ROMO1: variants seen among roughly 807,000 people sequenced by gnomAD.
ROMO1 encodes the protein reactive oxygen species modulator 1, also known as PCM19.
ROMO1 carries 8 observed loss-of-function variants against 7.4 expected under a neutral mutation model. The ratio of observed to expected loss-of-function variants is 1.08; its 90% CI spans 0.63 to 1.95. The LOEUF (loss-of-function observed/expected upper bound fraction) is 1.95, where lower values mean the gene tolerates loss of function less well. ROMO1 is among the 30% of genes most tolerant of loss of function. The pLI, the probability that ROMO1 is intolerant of heterozygous loss-of-function variation, is 0.00. For missense variants in ROMO1, 91 were observed against 115.9 expected (o/e 0.79, Z 0.99); for synonymous variants, 43 against 41.4 (o/e 1.04, Z -0.15).
At position 35,699,433 on chromosome 20, in the gene ROMO1, G is replaced by A. The variant is rs891925054; in HGVS notation, c.-24G>A. On this transcript the variant is annotated 5_prime_UTR_variant, in exon 1 of 3. Coordinates refer to ENST00000374077, the MANE Select transcript of ROMO1 (RefSeq NM_080748.3). This position sits in a 1 kb window ranked among gnomAD's most constrained non-coding sequence, Gnocchi z 4.4. ...TTCCGTGAGAGACGTAGAGCTGAGC[G>A]ACCCAGCCCGCGAGCGAGGTGAGGT... is the stretch of plus-strand genomic sequence containing the variant. The A allele has an allele frequency of 8.5e-7, 1 of 1,175,670 alleles. No individual in the cohort carries two copies. Among genetic ancestry groups the A allele is most frequent in the African/African-American group, 1.6e-5 (1 of 63,760 alleles). 72.8% of individuals were successfully genotyped at this position (1,175,670 alleles called of 1,614,324 possible). A position where few individuals can be genotyped will look rare whatever the true frequency, so the allele number is the denominator to read the frequency against.
In ROMO1 at chr20:35,699,976, GC is replaced by G. The variant is rs1322755180; in HGVS notation, c.131+216del. 6.6e-6 allele frequency among the ~76,000 whole-genome samples: 1 copy of G among 152,156 alleles called. No homozygotes were observed. The highest frequency in any genetic ancestry group is 6.5e-5 in the Admixed American group (1 of 15,270). ...AGCTTTAGAGTCAAAATGCTTTCTG[GC>G]CCTTTTCTTACTGGTTCGGTGACTT... On this transcript the variant is annotated intron_variant, in intron 2 of 2. Coordinates refer to ENST00000374077, the MANE Select transcript of ROMO1 (RefSeq NM_080748.3). The surrounding 1 kb of genome is among the most constrained non-coding windows in gnomAD (Gnocchi z 4.4).
At chr20:35,700,752 C>G (rs2146448219) in intron 2 of ROMO1, 46 bp from the exon 3 acceptor site, 1 of 1,526,100 alleles carries the variant, frequency 6.6e-7, no homozygotes, top group Middle Eastern at 1.7e-4. Flanking sequence ...AATACTCTTT[C>G]TGATATTTTT....
rs773197630 is a variant in ROMO1, at chr20:35,699,617, TTCCTA to T, written c.1-12_1-8del. On this transcript the variant is annotated splice_polypyrimidine_tract_variant and intron_variant, in intron 1 of 2. Coordinates refer to ENST00000374077, the MANE Select transcript of ROMO1 (RefSeq NM_080748.3). This position sits in a 1 kb window ranked among gnomAD's most constrained non-coding sequence, Gnocchi z 4.4. ...TTGGGCCAGCGCCTGGGCCCACACT[TTCCTA>T]TCCCCCGCAGATGCCGGTGGCCGTG... is the stretch of plus-strand genomic sequence containing the variant. 8 of 1,611,686 alleles carry T rather than the reference TTCCTA, an allele frequency of 5.0e-6. No individual in the cohort carries two copies. The highest frequency in any genetic ancestry group is 6.8e-6 in the Non-Finnish European group (8 of 1,179,920).
Position 35,699,896 on chromosome 20 carries a change from C to A in ROMO1, c.131+133C>A. ...GTCCCCTCGCGAGCCAGACTCATTCCAAACCACCTTCAATCTGTAAAGTCA... is the reference window on the plus strand; with the variant it reads ...GTCCCCTCGCGAGCCAGACTCATTCAAAACCACCTTCAATCTGTAAAGTCA... On this transcript the variant is annotated intron_variant, in intron 2 of 2. Transcript: ENST00000374077. This position sits in a 1 kb window ranked among gnomAD's most constrained non-coding sequence, Gnocchi z 4.4. 8.4e-7 allele frequency: 1 copy of A among 1,184,882 alleles called. No homozygotes were observed. The highest frequency in any genetic ancestry group is 1.2e-6 in the Non-Finnish European group (1 of 860,030). The allele number at this position is 1,184,882 out of a possible 1,614,324, so 73.4% of individuals were successfully genotyped here. A position where few individuals can be genotyped will look rare whatever the true frequency, so the allele number is the denominator to read the frequency against.
At chr20:35,700,334 C>A (rs1259084312) in intron 2 of ROMO1, among the ~76,000 whole-genome samples, 1 of 152,134 alleles carries the variant, frequency 6.6e-6, no homozygotes, top group Non-Finnish European at 1.5e-5. Flanking sequence ...CTATGTTAAG[C>A]ACTGTGCTAA....
At chr20:35,700,451 A>T (rs1227932040) in intron 2 of ROMO1, among the ~76,000 whole-genome samples, 1 of 151,946 alleles carries the variant, frequency 6.6e-6, no homozygotes, top group Admixed American at 6.5e-5. Flanking sequence ...CTTACTCCAA[A>T]ATCATTAACA....
rs756069721 is a variant in ROMO1 at position 35,699,615 on chromosome 20, CTT to C, written c.1-16_1-15del. 4 of 1,611,548 alleles carry C rather than the reference CTT, an allele frequency of 2.5e-6. No homozygotes were observed. The highest frequency in any genetic ancestry group is 1.7e-6 in the Non-Finnish European group (2 of 1,179,930). On this transcript the variant is annotated splice_polypyrimidine_tract_variant and intron_variant, in intron 1 of 2. Coordinates refer to ENST00000374077, the MANE Select transcript of ROMO1 (RefSeq NM_080748.3). The surrounding 1 kb of genome is among the most constrained non-coding windows in gnomAD (Gnocchi z 4.4). ...TCTTGGGCCAGCGCCTGGGCCCACA[CTT>C]TCCTATCCCCCGCAGATGCCGGTGG...
chr20:35,699,441 C>T lies in ROMO1; in HGVS notation c.-16C>T, dbSNP rs770941361. ...GAGACGTAGAGCTGAGCGACCCAGC[C>T]CGCGAGCGAGGTGAGGTAGGCGCCG... On this transcript the variant is annotated 5_prime_UTR_variant, in exon 1 of 3. Coordinates refer to ENST00000374077, the MANE Select transcript of ROMO1 (RefSeq NM_080748.3). This position sits in a 1 kb window ranked among gnomAD's most constrained non-coding sequence, Gnocchi z 4.4. 1.5e-4 allele frequency: 176 copies of T among 1,186,268 alleles called. No homozygotes were observed. Among genetic ancestry groups the T allele is most frequent in the Non-Finnish European group, 1.9e-4 (169 of 870,218 alleles). The allele number at this position is 1,186,268 out of a possible 1,614,324, so 73.5% of individuals were successfully genotyped here. A position where few individuals can be genotyped will look rare whatever the true frequency, so the allele number is the denominator to read the frequency against.
In ROMO1 at chr20:35,699,791, G is replaced by C. The variant is rs762435014; in HGVS notation, c.131+28G>C. 1 of 1,595,700 alleles carries C rather than the reference G, an allele frequency of 6.3e-7. No individual in the cohort carries two copies. ...GAGGGGCGCGGGCGGTGATCTCTGG[G>C]CAGGACAACCAGACCTTCCGGCCCT... On this transcript the variant is annotated intron_variant, in intron 2 of 2. Coordinates refer to ENST00000374077, the MANE Select transcript of ROMO1 (RefSeq NM_080748.3). The surrounding 1 kb of genome is among the most constrained non-coding windows in gnomAD (Gnocchi z 4.4).
In ROMO1 at chr20:35,699,627, C is replaced by T. The variant is rs375680794; in HGVS notation, c.1-6C>T. ...GCCTGGGCCCACACTTTCCTATCCC[C>T]CGCAGATGCCGGTGGCCGTGGGTCC... On this transcript the variant is annotated splice_polypyrimidine_tract_variant and splice_region_variant and intron_variant, in intron 1 of 2. Coordinates refer to ENST00000374077, the MANE Select transcript of ROMO1 (RefSeq NM_080748.3). The surrounding 1 kb of genome is among the most constrained non-coding windows in gnomAD (Gnocchi z 4.4). The T allele has an allele frequency of 3.7e-5, 59 of 1,612,436 alleles. No homozygotes were observed. The highest frequency in any genetic ancestry group is 4.7e-5 in the Non-Finnish European group (55 of 1,179,980).
In ROMO1 at chr20:35,699,846, C is replaced by G; in HGVS notation, c.131+83C>G. 1 of 1,480,178 alleles carries G rather than the reference C, an allele frequency of 6.8e-7. No homozygotes were observed. 91.7% of individuals were successfully genotyped at this position (1,480,178 alleles called of 1,614,324 possible). ...CATTCGGCCTGGAGCCTGAACACAG[C>G]CTCCTTCTTTCGACTTCCCTCTCTG... On this transcript the variant is annotated intron_variant, in intron 2 of 2. Transcript: ENST00000374077. This position sits in a 1 kb window ranked among gnomAD's most constrained non-coding sequence, Gnocchi z 4.4.
Position 35,699,578 on chromosome 20 carries a change from TCCCCGCCCGACTCTTGGG to T in ROMO1, c.1-52_1-35del. The T allele has an allele frequency of 6.2e-7, 1 of 1,603,078 alleles. No individual in the cohort carries two copies. The highest frequency in any genetic ancestry group is 8.5e-7 in the Non-Finnish European group (1 of 1,178,888). The stretch of plus-strand genomic sequence containing the variant: ...CCCACTTCCCAGCCTACCGCTTCCG[TCCCCGCCCGACTCTTGGG>T]CCAGCGCCTGGGCCCACACTTTCCT... On this transcript the variant is annotated intron_variant, in intron 1 of 2. Coordinates refer to ENST00000374077, the MANE Select transcript of ROMO1 (RefSeq NM_080748.3). This position sits in a 1 kb window ranked among gnomAD's most constrained non-coding sequence, Gnocchi z 4.4.
At position 35,699,442 on chromosome 20, in the gene ROMO1, C is replaced by A. The variant is rs2035209283; in HGVS notation, c.-15C>A. The A allele has an allele frequency of 5.1e-6, 6 of 1,183,400 alleles. No individual in the cohort carries two copies. In the South Asian group the frequency reaches 6.1e-5, roughly 12 times the overall value. 73.3% of individuals were successfully genotyped at this position (1,183,400 alleles called of 1,614,324 possible). ...AGACGTAGAGCTGAGCGACCCAGCC[C>A]GCGAGCGAGGTGAGGTAGGCGCCGG... On this transcript the variant is annotated 5_prime_UTR_variant, in exon 1 of 3. Transcript: ENST00000374077. This position sits in a 1 kb window ranked among gnomAD's most constrained non-coding sequence, Gnocchi z 4.4.
chr20:35,700,149 A>T (rs1601543174), intron 2 of ROMO1, among the ~76,000 whole-genome samples: 1 of 150,908 alleles, frequency 6.6e-6, no homozygotes, highest in Admixed American at 6.6e-5. Context: ...TGTTGCTTTT[A>T]TTTTTTTTTC....
chr20:35,699,731 C>T lies in ROMO1; in HGVS notation c.99C>T (p.Ala33=). Residue 33 remains alanine, a synonymous_variant, in exon 2 of 3, where the codon GCC becomes GCT. Coordinates refer to ENST00000374077, the MANE Select transcript of ROMO1 (RefSeq NM_080748.3). This position sits in a 1 kb window ranked among gnomAD's most constrained non-coding sequence, Gnocchi z 4.4. The part of the protein sequence containing the change: ...FVMGCAVGMA[A]GALFGTFSCL... ...TGGGTTGCGCCGTGGGCATGGCGGC[C>T]GGGGCGCTCTTCGGCACCTTTTCCT... The T allele has an allele frequency of 6.2e-7, 1 of 1,612,452 alleles. No homozygotes were observed.
Position 35,700,845 on chromosome 20 carries a change from T to C in ROMO1, c.179T>C (p.Met60Thr). Residue 60 changes from methionine to threonine, a missense_variant, in exon 3 of 3, where the codon ATG becomes ACG. Coordinates refer to ENST00000374077, the MANE Select transcript of ROMO1 (RefSeq NM_080748.3). The stretch of plus-strand genomic sequence containing the variant: ...CTGATGGGCGGCATTGGGAAAACCA[T>C]GATGCAGAGTGGCGGCACCTTTGGC... ...RELMGGIGKT[M>T]MQSGGTFGTF... is the part of the protein sequence containing the mutation. The C allele has an allele frequency of 6.2e-7, 1 of 1,614,186 alleles. No homozygotes were observed. Among genetic ancestry groups the C allele is most frequent in the Non-Finnish European group, 8.5e-7 (1 of 1,180,034 alleles).
intron 2 of ROMO1, among the ~76,000 whole-genome samples, chr20:35,700,090 CT>C (rs1476876900): frequency 6.6e-6 from 1 of 152,162 alleles, no homozygotes; most frequent in Non-Finnish European, 1.5e-5. Context: ...GATCAGCACA[CT>C]TTGCACAGCA....
chr20:35,699,479 C>T lies in ROMO1; in HGVS notation c.-1+23C>T, dbSNP rs1359426661. 5 of 1,247,656 alleles carry T rather than the reference C, an allele frequency of 4.0e-6. No individual in the cohort carries two copies. Among genetic ancestry groups the T allele is most frequent in the Non-Finnish European group, 5.5e-6 (5 of 905,456 alleles). The allele number at this position is 1,247,656 out of a possible 1,614,324, so 77.3% of individuals were successfully genotyped here. On this transcript the variant is annotated intron_variant, in intron 1 of 2. Transcript: ENST00000374077. This position sits in a 1 kb window ranked among gnomAD's most constrained non-coding sequence, Gnocchi z 4.4. ...GAGGTAGGCGCCGGGCGACGCGGGG[C>T]CGGAACGCGAAGAGGGTGGTGGAGT... is the stretch of plus-strand genomic sequence containing the variant.
chr20:35,700,100 C>T (rs1192583551), intron 2 of ROMO1, among the ~76,000 whole-genome samples: 1 of 152,164 alleles, frequency 6.6e-6, no homozygotes, highest in Non-Finnish European at 1.5e-5. Context: ...CTTTGCACAG[C>T]ATCTGGCACA....
Sources: gnomAD v4.1 joint callset for allele counts (sites outside exome capture counted in the v4.1 genomes callset) on GRCh38, gnomAD v4.1.1 for gene constraint, Gnocchi (gnomAD v3.1) non-coding constraint, MANE v1.5 for transcripts, NCBI Gene and HGNC (gene_info 2026-07-23, HGNC 2026-07-21) for gene names.